Variants in ELOVL6 observed in about 807,000 individuals in gnomAD.
ELOVL6 encodes ELOVL fatty acid elongase 6, also known as very long chain fatty acid elongase 6.
Under a neutral mutation model 31.7 loss-of-function variants are expected in ELOVL6, and 8 were observed. That is an observed-to-expected ratio of 0.25 (90% CI 0.15 to 0.45). The LOEUF is 0.45. Among genes scored for constraint, ELOVL6 ranks in the 20% least tolerant of loss-of-function variants. The pLI is 1.00. For synonymous variants in ELOVL6, 101 were observed against 117.7 expected, an observed-to-expected ratio of 0.86 and a Z score of 0.92; for missense variants, 126 against 326.4, an observed-to-expected ratio of 0.39 and a Z score of 4.73.
chr4:110,155,298 T>C (rs1758382751), intron 1 of ELOVL6, among the ~76,000 whole-genome samples: 1 of 152,082 alleles, frequency 6.6e-6, no homozygotes, highest in Non-Finnish European at 1.5e-5. Context: ...AAAATCTTCC[T>C]ACATTTGGTC....
intron 1 of ELOVL6, among the ~76,000 whole-genome samples, chr4:110,168,736 T>C (rs114462184): frequency 1.6e-3 from 242 of 152,278 alleles, no homozygotes; most frequent in African/African-American, 5.4e-3. Context: ...GGACAGGCAG[T>C]GTGGACCTAG....
chr4:110,146,715 C>A (rs914262321), intron 1 of ELOVL6: 1 of 152,288 alleles, frequency 6.6e-6, no homozygotes, highest in Non-Finnish European at 1.5e-5. Context: ...AATGGCTGGG[C>A]GCGGTGGCTC....
Position 110,176,550 on chromosome 4 carries a change from TTC to T in ELOVL6, c.89+21695_89+21696del, listed in dbSNP as rs1197297834. 5.3e-5 allele frequency among the ~76,000 whole-genome samples: 8 copies of T among 152,334 alleles called. No individual in the cohort carries two copies. The East Asian group carries it at 1.3e-3, about 26-fold the overall frequency. On this transcript the variant is annotated intron_variant, in intron 1 of 3. Transcript: ENST00000302274. Reference sequence around the variant, plus strand: ...GATTTTTACCGCAACCTGAAATTGTTTCTTTCTTCTGAGAGTATACATTTTTG... The same window carrying T: ...GATTTTTACCGCAACCTGAAATTGTTTTTCTTCTGAGAGTATACATTTTTG...
chr4:110,115,428 G>A (rs1757143647), intron 1 of ELOVL6, among the ~76,000 whole-genome samples: 1 of 152,050 alleles, frequency 6.6e-6, no homozygotes, highest in East Asian at 1.9e-4. Flanking sequence ...AAAGAACTCT[G>A]AATTTCATCT....
At chr4:110,145,427 T>C (rs368584343) in intron 1 of ELOVL6, among the ~76,000 whole-genome samples, 1 of 152,184 alleles carries the variant, frequency 6.6e-6, no homozygotes, top group Non-Finnish European at 1.5e-5. Context: ...ACAAAGGCCA[T>C]TCCCAAACTG....
intron 2 of ELOVL6, among the ~76,000 whole-genome samples, chr4:110,068,860 A>G (rs1275819541): frequency 6.6e-6 from 1 of 152,192 alleles, no homozygotes; most frequent in Non-Finnish European, 1.5e-5. Flanking sequence ...TATAAGTAAT[A>G]GGCTGGGGTC....
chr4:110,107,103 G>C (rs1011928050), intron 1 of ELOVL6, among the ~76,000 whole-genome samples: 2 of 152,090 alleles, frequency 1.3e-5, no homozygotes, highest in Non-Finnish European at 2.9e-5. Context: ...AAAATGCTTC[G>C]TGTTTTCTCC....
At chr4:110,180,820 G>A (rs912623121) in intron 1 of ELOVL6, among the ~76,000 whole-genome samples, 6 of 152,144 alleles carry the variant, frequency 3.9e-5, no homozygotes, top group Non-Finnish European at 8.8e-5. Context: ...ATAGCCAAGA[G>A]CTGTTTATAG....
chr4:110,098,602 T>C (rs906009754), intron 2 of ELOVL6, among the ~76,000 whole-genome samples: 1 of 152,162 alleles, frequency 6.6e-6, no homozygotes, highest in Non-Finnish European at 1.5e-5. Flanking sequence ...ATTACTATCC[T>C]GAGGTTTTCG....
rs539692934 is a variant in ELOVL6, at chr4:110,141,015, G to A, written c.90-35387C>T. Among the ~76,000 whole-genome samples the A allele has an allele frequency of 1.2e-4, 18 of 152,140 alleles. No individual in the cohort carries two copies. In the South Asian group the frequency reaches 3.5e-3, roughly 30 times the overall value. On this transcript the variant is annotated intron_variant, in intron 1 of 3. Coordinates refer to ENST00000302274, the MANE Select transcript of ELOVL6 (RefSeq NM_024090.3). ...TTGAGAAATGACACTTCTCAAGCTG[G>A]GGCTAAACTATCTCTGTGGTAGTTG... is the stretch of plus-strand genomic sequence containing the variant.
rs374180659 is a variant in ELOVL6, at chr4:110,048,107, A to C, written c.*3231T>G. 2 of 152,120 alleles carry C rather than the reference A, an allele frequency of 1.3e-5. No homozygotes were observed. Among genetic ancestry groups the C allele is most frequent in the East Asian group, 3.9e-4 (2 of 5,188 alleles). 9.4% of individuals were successfully genotyped at this position (152,120 alleles called of 1,614,324 possible). A position where few individuals can be genotyped will look rare whatever the true frequency, so the allele number is the denominator to read the frequency against. On this transcript the variant is annotated 3_prime_UTR_variant, in exon 4 of 4. Transcript: ENST00000302274. ...ATCAAGCCTTTCTTTTCCCTCTAGCAATGTACATGTAAAGTATTCCCTCTT... is the reference window on the plus strand; with the variant it reads ...ATCAAGCCTTTCTTTTCCCTCTAGCCATGTACATGTAAAGTATTCCCTCTT...
chr4:110,107,503 C>T (rs1243430399), intron 1 of ELOVL6, among the ~76,000 whole-genome samples: 2 of 152,178 alleles, frequency 1.3e-5, no homozygotes, highest in Admixed American at 6.5e-5. Flanking sequence ...TATTATGATA[C>T]ATTTTCTTCC....
chr4:110,123,690 A>C (rs1578498388), intron 1 of ELOVL6, among the ~76,000 whole-genome samples: 1 of 152,160 alleles, frequency 6.6e-6, no homozygotes. Context: ...CTGGGAGGAA[A>C]TGTATAAGGC....
Position 110,084,085 on chromosome 4 carries a change from A to G in ELOVL6, c.221+21412T>C, listed in dbSNP as rs13119495. On this transcript the variant is annotated intron_variant, in intron 2 of 3. Coordinates refer to ENST00000302274, the MANE Select transcript of ELOVL6 (RefSeq NM_024090.3). Reference sequence around the variant, plus strand: ...ATATAACATATATATGCTATATATGATATATAACATATATATGATATATAT... The same window carrying G: ...ATATAACATATATATGCTATATATGGTATATAACATATATATGATATATAT... 2.6e-4 allele frequency among the ~76,000 whole-genome samples: 23 copies of G among 88,220 alleles called. 3 individuals are homozygous for G. The highest frequency in any genetic ancestry group is 7.5e-4 in the African/African-American group (17 of 22,712). The allele number at this position is 88,220 out of a possible 152,430, so 57.9% of individuals were successfully genotyped here. A position where few individuals can be genotyped will look rare whatever the true frequency, so the allele number is the denominator to read the frequency against.
At chr4:110,089,300 T>G (rs2126238567) in intron 2 of ELOVL6, among the ~76,000 whole-genome samples, 1 of 152,298 alleles carries the variant, frequency 6.6e-6, no homozygotes, top group African/African-American at 2.4e-5. Flanking sequence ...CAACATAGGT[T>G]TGAACCACTC....
At chr4:110,191,197 G>T (rs959706624) in intron 1 of ELOVL6, among the ~76,000 whole-genome samples, 3 of 152,126 alleles carry the variant, frequency 2.0e-5, no homozygotes, top group African/African-American at 7.2e-5. Flanking sequence ...GAGATGCTGG[G>T]TTTTTTTAAA....
chr4:110,194,613 G>T (rs1023215094), intron 1 of ELOVL6, among the ~76,000 whole-genome samples: 2 of 152,120 alleles, frequency 1.3e-5, no homozygotes, highest in Non-Finnish European at 2.9e-5. Flanking sequence ...ACCCTTTAGG[G>T]TTTATACAAA....
chr4:110,055,145 T>C (rs568299601), intron 3 of ELOVL6, among the ~76,000 whole-genome samples: 26 of 152,306 alleles, frequency 1.7e-4, no homozygotes, highest in Admixed American at 4.6e-4. Flanking sequence ...GCAGCTGAGA[T>C]GCATCAGTCA....
At chr4:110,108,432 C>T (rs752526120) in intron 1 of ELOVL6, among the ~76,000 whole-genome samples, 1 of 152,150 alleles carries the variant, frequency 6.6e-6, no homozygotes, top group Non-Finnish European at 1.5e-5. Flanking sequence ...TTCCTAACTT[C>T]TAAAATGAGA....
Sources: gnomAD v4.1 joint callset for allele counts (sites outside exome capture counted in the v4.1 genomes callset) on GRCh38, gnomAD v4.1.1 for gene constraint, MANE v1.5 for transcripts, NCBI Gene and HGNC (gene_info 2026-07-23, HGNC 2026-07-21) for gene names.